BOD1L1: variants seen among roughly 807,000 people sequenced by gnomAD.
BOD1L1 encodes biorientation of chromosomes in cell division protein 1-like 1.
Under a neutral mutation model 240.7 loss-of-function variants are expected in BOD1L1, and 86 were observed. The ratio of observed to expected loss-of-function variants is 0.36; its 90% confidence interval spans 0.30 to 0.43. The LOEUF (loss-of-function observed/expected upper bound fraction) is 0.43. BOD1L1 is among the 20% of genes least tolerant of loss of function. The probability of loss-of-function intolerance (pLI) is 1.00; values close to 1 mark genes in which losing one functional copy is unlikely to be tolerated. For missense variants in BOD1L1, 3,554 were observed against 3,643.5 expected (o/e 0.98, Z 0.63); for synonymous variants, 1,268 against 1,272.3 (o/e 1.00, Z 0.07).
intron 9 of BOD1L1, among the ~76,000 whole-genome samples, chr4:13,606,123 C>T (rs1715682392): frequency 2.6e-5 from 4 of 152,126 alleles, no homozygotes; most frequent in Admixed American, 2.6e-4. Flanking sequence ...CTACTAATAA[C>T]AGGGTCCAGG....
At position 13,627,559 on chromosome 4, in the gene BOD1L1, G is replaced by A. The variant is rs1717508792; in HGVS notation, c.29C>T (p.Pro10Leu). 7.9e-6 allele frequency: 9 copies of A among 1,137,166 alleles called. No homozygotes were observed. The South Asian group carries it at 2.6e-4, about 32-fold the overall frequency. The allele number at this position is 1,137,166 out of a possible 1,614,324, so 70.4% of individuals were successfully genotyped here. The change falls in exon 1 of 26, where the codon CCT becomes CTT. Residue 10 changes from proline (P) to leucine (L), a missense_variant. By Grantham distance (98) the Pro-to-Leu change is moderately conservative (BLOSUM62 -3). Coordinates refer to ENST00000040738, the MANE Select transcript of BOD1L1 (RefSeq NM_148894.3). The stretch of plus-strand genomic sequence containing the variant: ...CGGGGGAGGCGGCGGCGCCGGAGGA[G>A]GCGGCTGCGGCTGTGGGTTGGTGGC... The part of the protein sequence containing the change: MATNPQPQP[P>L]PPAPPPPPPQ...
chr4:13,623,941 T>C (rs1717209931), intron 1 of BOD1L1: 1 of 152,158 alleles, frequency 6.6e-6, no homozygotes, highest in African/African-American at 2.4e-5. Flanking sequence ...GGGAATCTTC[T>C]ACTTTGGCCC....
In BOD1L1 at chr4:13,601,415, C is replaced by T. The variant is rs775034331; in HGVS notation, c.5485G>A (p.Ala1829Thr). 6 of 1,614,052 alleles carry T rather than the reference C, an allele frequency of 3.7e-6. No individual in the cohort carries two copies. In the East Asian group the frequency reaches 6.7e-5, roughly 18 times the overall value. ...TCTTTGGCCACTGTGCTGTCCATTGCACTCTCTCCATTTTCTTCCGATTCA... is the reference window on the plus strand; with the variant it reads ...TCTTTGGCCACTGTGCTGTCCATTGTACTCTCTCCATTTTCTTCCGATTCA... ...SSESEENGES[A>T]MDSTVAKEGT... The change falls in exon 10 of 26, where the codon GCA becomes ACA. Residue 1829 changes from alanine (A) to threonine (T), a missense_variant. Physicochemically the swap from Ala to Thr is moderately conservative, Grantham distance 58 (BLOSUM62 0). This residue lies in a region of BOD1L1 where 3,393 missense variants were observed against 3,427.1 expected (regional missense o/e 0.99). Coordinates refer to ENST00000040738, the MANE Select transcript of BOD1L1 (RefSeq NM_148894.3).
At chr4:13,575,895 C>CTTTTT (rs35101769) in intron 25 of BOD1L1, among the ~76,000 whole-genome samples, 7 of 119,254 alleles carry the variant, frequency 5.9e-5, no homozygotes, top group East Asian at 2.5e-4. Flanking sequence ...TTGCCAAACC[C>CTTTTT]TTTTTTTTTT....
rs778805221 is a variant in BOD1L1, at chr4:13,577,611, C to G, written c.8770G>C (p.Ala2924Pro). The stretch of plus-strand genomic sequence containing the variant: ...CTTATACTTCTTTCTTGTAGGTTAG[C>G]TGTTTCTTTATTGGATTCATCTTTA... The part of the protein sequence containing the change: ...MQTDESNKET[A>P]NLQERSISND... Residue 2924 changes from alanine (A) to proline (P), a missense_variant, in exon 23 of 26, where the codon GCT becomes CCT. Physicochemically the swap from Ala to Pro is conservative, Grantham distance 27. This residue lies in a region of BOD1L1 where 3,393 missense variants were observed against 3,427.1 expected (regional missense o/e 0.99). Transcript: ENST00000040738. The G allele has an allele frequency of 6.4e-7, 1 of 1,560,812 alleles. No individual in the cohort carries two copies. Among genetic ancestry groups the G allele is most frequent in the Admixed American group, 1.9e-5 (1 of 53,502 alleles).
intron 12 of BOD1L1, chr4:13,593,166 C>T (rs1714350349): frequency 6.6e-6 from 1 of 152,008 alleles, no homozygotes; most frequent in South Asian, 2.1e-4. Context: ...ATCTGAAATT[C>T]GAAATACTTC....
chr4:13,591,742 GC>G (rs1323330528), intron 13 of BOD1L1, among the ~76,000 whole-genome samples, 180 bp downstream of exon 13: 1 of 152,156 alleles, frequency 6.6e-6, no homozygotes, highest in Non-Finnish European at 1.5e-5. Context: ...ATGGAAAAGA[GC>G]TAGTGAAAGC....
chr4:13,615,031 G>C (rs1716478982), intron 3 of BOD1L1, among the ~76,000 whole-genome samples: 2 of 152,032 alleles, frequency 1.3e-5, no homozygotes, highest in African/African-American at 4.8e-5. Flanking sequence ...GCAAATCTGA[G>C]GAGTTGTCTA....
intron 25 of BOD1L1, among the ~76,000 whole-genome samples, chr4:13,574,573 T>C (rs1712529228): frequency 6.6e-6 from 1 of 152,224 alleles, no homozygotes; most frequent in Admixed American, 6.5e-5. Context: ...AGAAGGCCTA[T>C]GGAACTTTCT....
In BOD1L1 at chr4:13,571,606, G is replaced by A. The variant is rs973759276; in HGVS notation, c.9039-1478C>T. On this transcript the variant is annotated intron_variant, in intron 25 of 25. Transcript: ENST00000040738. ...GCTTCTCCCCAGCCATGTGAGCTTC[G>A]TAGTTTATCCAGGCCCTTCTAGTCC... 2.6e-5 allele frequency among the ~76,000 whole-genome samples: 4 copies of A among 152,320 alleles called. No individual in the cohort carries two copies. In the East Asian group the frequency reaches 5.8e-4, roughly 22 times the overall value.
intron 25 of BOD1L1, among the ~76,000 whole-genome samples, chr4:13,576,065 G>C (rs1010499876): frequency 6.6e-6 from 1 of 151,882 alleles, no homozygotes. Context: ...ACCATGCCTG[G>C]CTGATTTTTG....
At position 13,603,960 on chromosome 4, in the gene BOD1L1, T is replaced by C. The variant is rs907557385; in HGVS notation, c.2940A>G (p.Ser980=). The change falls in exon 10 of 26, where the codon TCA becomes TCG. Residue 980 remains serine, a synonymous_variant. Transcript: ENST00000040738. ...TAGAATCCTTCTGTGTACTATGTGC[T>C]GAAGAAGAAGCAGTCTCTAATACAG... ...VEPVLETASS[S]AHSTQKDSSH... 3 of 1,613,798 alleles carry C rather than the reference T, an allele frequency of 1.9e-6. No homozygotes were observed. In the African/African-American group the frequency reaches 4.0e-5, roughly 22 times the overall value.
chr4:13,583,473 G>A (rs1328041085), intron 17 of BOD1L1, among the ~76,000 whole-genome samples: 6 of 152,050 alleles, frequency 3.9e-5, no homozygotes, highest in Admixed American at 2.6e-4. Flanking sequence ...CCTCACCCCC[G>A]ATTTCCCTAC....
At chr4:13,621,086 G>A (rs1259450675) in intron 1 of BOD1L1, among the ~76,000 whole-genome samples, 1 of 152,208 alleles carries the variant, frequency 6.6e-6, no homozygotes, top group African/African-American at 2.4e-5. Context: ...ACAGTGCTGA[G>A]TCTGAGAACC....
intron 25 of BOD1L1, among the ~76,000 whole-genome samples, chr4:13,575,085 A>T (rs1279504604): frequency 1.3e-5 from 2 of 151,838 alleles, no homozygotes; most frequent in Non-Finnish European, 2.9e-5. Context: ...ACACCCAGCT[A>T]ATTTTTTATA....
Position 13,603,591 on chromosome 4 carries a change from C to G in BOD1L1, c.3309G>C (p.Gln1103His). 6.2e-7 allele frequency: 1 copy of G among 1,613,916 alleles called. No individual in the cohort carries two copies. Among genetic ancestry groups the G allele is most frequent in the Non-Finnish European group, 8.5e-7 (1 of 1,179,852 alleles). The change falls in exon 10 of 26, where the codon CAG becomes CAC. Residue 1103 changes from glutamine (Q) to histidine (H), a missense_variant. Gln to His is a conservative substitution (Grantham distance 24). Transcript: ENST00000040738. ...TLSTPSGSSL[Q>H]RPKKSGDMTL... ...TCATATCACCACTCTTTTTTGGTCT[C>G]TGAAGGGAGGAACCGCTGGGAGTGC...
chr4:13,601,119 A>G lies in BOD1L1; in HGVS notation c.5781T>C (p.Asn1927=). The change falls in exon 10 of 26, where the codon AAT becomes AAC. Residue 1927 remains asparagine (N), a synonymous_variant. Transcript: ENST00000040738. ...AEAGAAIMNA[N]ENNVDSMSGT... is the part of the protein sequence containing the mutation. Reference sequence around the variant, plus strand: ...CACTCATGCTGTCAACATTATTTTCATTTGCATTCATGATGGCAGCTCCAG... The same window carrying G: ...CACTCATGCTGTCAACATTATTTTCGTTTGCATTCATGATGGCAGCTCCAG... 1.2e-6 allele frequency: 2 copies of G among 1,613,770 alleles called. No homozygotes were observed. The highest frequency in any genetic ancestry group is 3.3e-5 in the Admixed American group (2 of 59,996).
Position 13,604,718 on chromosome 4 carries a change from G to C in BOD1L1, c.2182C>G (p.Pro728Ala), listed in dbSNP as rs556784545. The C allele has an allele frequency of 5.0e-6, 8 of 1,604,612 alleles. No homozygotes were observed. In the East Asian group the frequency reaches 8.9e-5, roughly 18 times the overall value. The change falls in exon 10 of 26, where the codon CCT becomes GCT. Residue 728 changes from proline to alanine, a missense_variant. Physicochemically the swap from Pro to Ala is conservative, Grantham distance 27. Coordinates refer to ENST00000040738, the MANE Select transcript of BOD1L1 (RefSeq NM_148894.3). ...TCCGATGGAGTTTTCTCTCTTTCAG[G>C]CTTCTCCTTGGAGGATTTCACCTCT... ...KKEVKSSKEKPEREKTPSEDK... is the reference protein window; with the variant it reads ...KKEVKSSKEKAEREKTPSEDK...
Position 13,613,270 on chromosome 4 carries a change from T to TTAA in BOD1L1, c.1324+239_1324+241dup, listed in dbSNP as rs1716324019. ...ATATTTATCTCCTCTAAATTTTAAA[T>TTAA]TAATAATAATACTAGGGGATAGAGT... On this transcript the variant is annotated intron_variant, in intron 5 of 25. Transcript: ENST00000040738. This position sits in a 1 kb window ranked among gnomAD's most constrained non-coding sequence, Gnocchi z 4.0. Among the ~76,000 whole-genome samples, 1 of 152,130 alleles carries TTAA rather than the reference T, an allele frequency of 6.6e-6. No individual in the cohort carries two copies. The highest frequency in any genetic ancestry group is 1.5e-5 in the Non-Finnish European group (1 of 68,040).
Sources: allele counts gnomAD v4.1 joint callset (sites outside exome capture counted in the v4.1 genomes callset), GRCh38; gene constraint gnomAD v4.1.1; regional missense constraint gnomAD v4.1.1; non-coding constraint Gnocchi (gnomAD v3.1); transcripts MANE v1.5; gene names NCBI Gene and HGNC (gene_info 2026-07-23, HGNC 2026-07-21).